ALG1L2: variants seen among roughly 807,000 people sequenced by gnomAD.
ALG1L2 encodes the protein ALG1 chitobiosyldiphosphodolichol beta-mannosyltransferase like 2.
Under a neutral mutation model 29.0 loss-of-function variants are expected in ALG1L2, and 32 were observed. That is an observed-to-expected ratio of 1.10 (90% confidence interval 0.83 to 1.48). The LOEUF (loss-of-function observed/expected upper bound fraction) is 1.48. Ranked by LOEUF, ALG1L2 falls within the 40% of genes most tolerant of loss-of-function variation. ALG1L2 has a pLI of 0.00. For synonymous variants in ALG1L2, 110 were observed against 109.5 expected (o/e 1.00, Z -0.03); for missense variants, 318 against 274.1 (o/e 1.16, Z -1.13).
At chr3:130,083,782 A>G (rs1467675103) in intron 1 of ALG1L2, among the ~76,000 whole-genome samples, 2 of 134,574 alleles carry the variant, frequency 1.5e-5, no homozygotes, top group Admixed American at 1.6e-4. Context: ...TTTTCCTCTG[A>G]TTTTTGAATA....
In ALG1L2 at chr3:130,098,350, G is replaced by C. The variant is rs1363153841; in HGVS notation, c.*95G>C. 6.3e-7 allele frequency: 1 copy of C among 1,596,216 alleles called. No homozygotes were observed. The highest frequency in any genetic ancestry group is 1.3e-5 in the African/African-American group (1 of 74,818). ...CTGGGTGCAGACTGTGCTCCCTTTG[G>C]TTATGGACACATAACTCCTGGGCCA... On this transcript the variant is annotated 3_prime_UTR_variant, in exon 8 of 8. Coordinates refer to ENST00000425059, the MANE Select transcript of ALG1L2 (RefSeq NM_001136152.1).
chr3:130,097,671 G>A (rs1467816579), intron 7 of ALG1L2, among the ~76,000 whole-genome samples: 3 of 152,318 alleles, frequency 2.0e-5, no homozygotes, highest in Non-Finnish European at 4.4e-5. Context: ...ATGATTGGGA[G>A]GATTTTCAGT....
chr3:130,096,797 A>G (rs1475113869), intron 6 of ALG1L2, among the ~76,000 whole-genome samples: 5 of 152,226 alleles, frequency 3.3e-5, no homozygotes, highest in Non-Finnish European at 4.4e-5. Flanking sequence ...TGTCGGGATC[A>G]AATCTGGTGT....
chr3:130,097,006 T>C (rs563538937), intron 6 of ALG1L2, among the ~76,000 whole-genome samples, 169 bp from the exon 7 acceptor site: 15 of 152,232 alleles, frequency 9.9e-5, no homozygotes, highest in African/African-American at 2.4e-4. Flanking sequence ...CCCCCCAGGC[T>C]TTTATACCCT....
intron 3 of ALG1L2, 47 bp downstream of exon 3, chr3:130,092,269 G>A (rs1253632718): frequency 1.3e-6 from 2 of 1,591,772 alleles, no homozygotes; most frequent in Non-Finnish European, 1.7e-6. Context: ...AAGGGCACCT[G>A]GCCAACCTGT....
rs1369364966 is a variant in ALG1L2, at chr3:130,082,923, C to A, written c.20+887C>A. Among the ~76,000 whole-genome samples the A allele has an allele frequency of 2.1e-5, 3 of 140,428 alleles. No individual in the cohort carries two copies. The Admixed American group carries it at 2.2e-4, about 10-fold the overall frequency. 92.1% of individuals were successfully genotyped at this position (140,428 alleles called of 152,430 possible). ...CTTATTATAGAATCAGAATTGAAAA[C>A]CAAGTCAATGGCATTCTAAGAAACA... is the stretch of plus-strand genomic sequence containing the variant. On this transcript the variant is annotated intron_variant, in intron 1 of 7. Transcript: ENST00000425059.
At position 130,094,514 on chromosome 3, in the gene ALG1L2, G is replaced by A; in HGVS notation, c.424+1G>A. The A allele has an allele frequency of 3.8e-6, 6 of 1,593,626 alleles. No homozygotes were observed. The highest frequency in any genetic ancestry group is 2.2e-5 in the South Asian group (2 of 90,920). On this transcript the variant is annotated splice_donor_variant, in intron 5 of 7. Transcript: ENST00000425059. LOFTEE classifies it high-confidence loss of function. ...GGCCGAGGACTACCCCCGCTTCTAG[G>A]TGAGAGGCCAGCAGGAGGCTCAGGG...
At chr3:130,082,637 C>A (rs1436542455) in intron 1 of ALG1L2, among the ~76,000 whole-genome samples, 1 of 144,276 alleles carries the variant, frequency 6.9e-6, no homozygotes, top group Non-Finnish European at 1.6e-5. Flanking sequence ...TGCAGCCAGT[C>A]TGAATCTATG....
At chr3:130,087,588 T>A (rs1305563806) in intron 1 of ALG1L2, among the ~76,000 whole-genome samples, 1 of 142,040 alleles carries the variant, frequency 7.0e-6, no homozygotes, top group African/African-American at 2.5e-5. Flanking sequence ...TATTAAGGAA[T>A]ACACAGGAAT....
rs143832537 is a variant in ALG1L2, at chr3:130,091,363, C to G, written c.123C>G (p.Phe41Leu). 6.3e-7 allele frequency: 1 copy of G among 1,596,940 alleles called. No individual in the cohort carries two copies. Among genetic ancestry groups the G allele is most frequent in the Admixed American group, 1.7e-5 (1 of 59,994 alleles). Residue 41 changes from phenylalanine to leucine, a missense_variant, in exon 2 of 8, where the codon TTC becomes TTG. Coordinates refer to ENST00000425059, the MANE Select transcript of ALG1L2 (RefSeq NM_001136152.1). ...AGCTGGGCAGCACGCACTCTCCGTTCAGGGCCCGGTAGGCCTCCCACCCTC... is the reference window on the plus strand; with the variant it reads ...AGCTGGGCAGCACGCACTCTCCGTTGAGGGCCCGGTAGGCCTCCCACCCTC... The part of the protein sequence containing the change: ...FMKLGSTHSP[F>L]RARSEPEDPD...
chr3:130,093,225 C>T (rs1356198940), intron 4 of ALG1L2, 65 bp downstream of exon 4: 22 of 1,549,160 alleles, frequency 1.4e-5, no homozygotes, highest in Admixed American at 6.8e-5. Flanking sequence ...GGCACACAGC[C>T]TTTACCCTGT....
At chr3:130,088,989 T>C (rs1390716411) in intron 1 of ALG1L2, among the ~76,000 whole-genome samples, 10 of 152,292 alleles carry the variant, frequency 6.6e-5, no homozygotes, top group Non-Finnish European at 1.2e-4. Flanking sequence ...TCTGAAATCC[T>C]TGTGATGTCC....
Position 130,093,104 on chromosome 3 carries a change from T to C in ALG1L2, c.257T>C (p.Phe86Ser). Residue 86 changes from phenylalanine to serine, a missense_variant, in exon 4 of 8, where the codon TTT becomes TCT. Transcript: ENST00000425059. ...TTGTTTCTTTTTTTAAACACAGAGT[T>C]TGAACAACTGACTCTTGACGGACAG... ...LLVSSTSWTE[F>S]EQLTLDGQNL... The C allele has an allele frequency of 1.2e-6, 2 of 1,609,412 alleles. No individual in the cohort carries two copies. Among genetic ancestry groups the C allele is most frequent in the South Asian group, 1.1e-5 (1 of 90,530 alleles).
intron 4 of ALG1L2, among the ~76,000 whole-genome samples, chr3:130,093,406 C>A (rs529731950): frequency 1.3e-5 from 2 of 148,226 alleles, no homozygotes; most frequent in African/African-American, 4.9e-5. Context: ...TTCCAAGCAT[C>A]TTTTTTTTGT....
chr3:130,094,799 G>A (rs1317736421), intron 5 of ALG1L2, among the ~76,000 whole-genome samples: 1 of 152,244 alleles, frequency 6.6e-6, no homozygotes, highest in Non-Finnish European at 1.5e-5. Context: ...CTGGGCCTGG[G>A]GTTGGGGCCA....
Position 130,097,210 on chromosome 3 carries a change from T to C in ALG1L2, c.575T>C (p.Leu192Pro), listed in dbSNP as rs756602002. 7 of 1,611,658 alleles carry C rather than the reference T, an allele frequency of 4.3e-6. No homozygotes were observed. The African/African-American group carries it at 9.3e-5, about 22-fold the overall frequency. ...HELVKHEENR[L>P]VFEDSEELAA... ...CTGGTGAAACATGAAGAAAACCGCCTGGTCTTTGAGGACTCAGAGGAACTG... is the reference window on the plus strand; with the variant it reads ...CTGGTGAAACATGAAGAAAACCGCCCGGTCTTTGAGGACTCAGAGGAACTG... The change falls in exon 7 of 8, where the codon CTG becomes CCG. Residue 192 changes from leucine (L) to proline (P), a missense_variant. Transcript: ENST00000425059.
intron 7 of ALG1L2, among the ~76,000 whole-genome samples, chr3:130,097,509 G>T (rs9870162): frequency 5.3e-5 from 8 of 152,062 alleles, no homozygotes; most frequent in African/African-American, 1.9e-4. Flanking sequence ...TGCTGGAGCC[G>T]GGTGGGCCAG....
At chr3:130,097,436 G>A (rs1270000089) in intron 7 of ALG1L2, among the ~76,000 whole-genome samples, 186 bp downstream of exon 7, 2 of 152,170 alleles carry the variant, frequency 1.3e-5, no homozygotes, top group African/African-American at 4.8e-5. Flanking sequence ...CAGTAGGCTC[G>A]GTAAAGTTAG....
chr3:130,091,452 C>G, intron 2 of ALG1L2, 81 bp downstream of exon 2: 2 of 1,421,914 alleles, frequency 1.4e-6, no homozygotes, highest in Admixed American at 1.9e-5. Flanking sequence ...GACCTGGGAA[C>G]CCACTCATCC....
Sources: gnomAD v4.1 joint callset for allele counts (sites outside exome capture counted in the v4.1 genomes callset) on GRCh38, gnomAD v4.1.1 for gene constraint, MANE v1.5 for transcripts, NCBI Gene and HGNC (gene_info 2026-07-23, HGNC 2026-07-21) for gene names.